Variants in CTC1 observed in about 807,000 individuals in gnomAD.
CTC1 encodes CST telomere replication complex component 1.
Under a neutral mutation model 136.3 loss-of-function variants are expected in CTC1, and 91 were observed. The observed-to-expected ratio is 0.67, with a 90% CI of 0.56 to 0.79. The LOEUF is 0.79. Among genes scored for constraint, CTC1 ranks in the 30% least tolerant of loss-of-function variants. The pLI, the probability that CTC1 is intolerant of heterozygous loss-of-function variation, is 0.00. For missense variants in CTC1, 1,432 were observed against 1,498.1 expected (o/e 0.96, Z 0.73); for synonymous variants, 606 against 613.8 (o/e 0.99, Z 0.19).
At chr17:8,242,216 A>G (rs1344282960) in intron 2 of CTC1, among the ~76,000 whole-genome samples, 1 of 151,722 alleles carries the variant, frequency 6.6e-6, no homozygotes, top group Non-Finnish European at 1.5e-5. Context: ...TTTTTTTAGT[A>G]GAGATGGTGT....
chr17:8,230,982 C>CA (rs575222579), intron 15 of CTC1: 7 of 475,746 alleles, frequency 1.5e-5, no homozygotes, highest in African/African-American at 3.9e-5. Context: ...ACTAAAAATA[C>CA]AAAAAAACTA....
chr17:8,230,922 A>G, intron 15 of CTC1: 1 of 513,326 alleles, frequency 1.9e-6, no homozygotes, highest in Non-Finnish European at 3.5e-6. Flanking sequence ...GGCTCACTTA[A>G]GGTCAAGAAC....
chr17:8,246,134 G>A (rs892710739), intron 1 of CTC1, among the ~76,000 whole-genome samples: 1 of 149,308 alleles, frequency 6.7e-6, no homozygotes, highest in African/African-American at 2.4e-5. Flanking sequence ...TGAGCCCAGG[G>A]AGGTTGAGGC....
At chr17:8,236,031 A>G in intron 6 of CTC1, 27 bp downstream of exon 6, 5 of 1,600,088 alleles carry the variant, frequency 3.1e-6, no homozygotes, top group Non-Finnish European at 4.3e-6. Context: ...TGGCCCCTCA[A>G]GCTCTAGGAT....
Position 8,237,521 on chromosome 17 carries a change from T to C in CTC1, c.648-2A>G, listed in dbSNP as rs758180450. The C allele has an allele frequency of 6.2e-7, 1 of 1,613,702 alleles. No individual in the cohort carries two copies. Among genetic ancestry groups the C allele is most frequent in the Non-Finnish European group, 8.5e-7 (1 of 1,179,880 alleles). On this transcript the variant is annotated splice_acceptor_variant, in intron 4 of 22. Transcript: ENST00000651323. LOFTEE classifies it high-confidence loss of function. ...CGCTGCACACCTCTGAGCTTGTTTC[T>C]AAGAAGGAAGAAAAAGCCCTGTAAT...
intron 5 of CTC1, 45 bp from the exon 6 acceptor site, chr17:8,236,387 A>G (rs752344575): frequency 6.4e-7 from 1 of 1,568,408 alleles, no homozygotes; most frequent in Non-Finnish European, 8.6e-7. Context: ...AGACCCCAAC[A>G]CTGCCACTCT....
Position 8,231,189 on chromosome 17 carries a change from G to C in CTC1, c.2669+87C>G, listed in dbSNP as rs976857154. 1.1e-5 allele frequency: 12 copies of C among 1,045,116 alleles called. 1 individual carries two copies. The South Asian group carries it at 2.0e-4, about 17-fold the overall frequency. 64.7% of individuals were successfully genotyped at this position (1,045,116 alleles called of 1,614,324 possible). ...AATAACAAAAGAAATACCTCCTGCA[G>C]CAGAAAATGAAGTCTTCACCAAACC... On this transcript the variant is annotated intron_variant, in intron 15 of 22. Coordinates refer to ENST00000651323, the MANE Select transcript of CTC1 (RefSeq NM_025099.6).
chr17:8,237,244 C>T (rs1350278250), intron 5 of CTC1, 131 bp downstream of exon 5: 10 of 964,142 alleles, frequency 1.0e-5, no homozygotes, highest in East Asian at 7.5e-5. Context: ...CTCCCAACAG[C>T]GCTATTCCAG....
intron 1 of CTC1, 152 bp downstream of exon 1, chr17:8,247,852 A>C: frequency 1.4e-6 from 1 of 702,074 alleles, no homozygotes; most frequent in Non-Finnish European, 2.5e-6. Flanking sequence ...CAGAACCAGT[A>C]AGAGGTAGGA....
chr17:8,231,156 A>G (rs1987184866), intron 15 of CTC1, 120 bp downstream of exon 15: 1 of 881,578 alleles, frequency 1.1e-6, no homozygotes, highest in South Asian at 2.0e-5. Flanking sequence ...AAAACAAACA[A>G]AAACAACAAT....
chr17:8,233,754 C>T (rs991599479), intron 10 of CTC1, among the ~76,000 whole-genome samples: 2 of 151,954 alleles, frequency 1.3e-5, no homozygotes, highest in Non-Finnish European at 2.9e-5. Context: ...GGTGACAGAG[C>T]AAGATTCTGT....
intron 1 of CTC1, among the ~76,000 whole-genome samples, chr17:8,246,947 A>G (rs2151558715): frequency 6.7e-6 from 1 of 149,818 alleles, no homozygotes. Context: ...AATCCTTTAG[A>G]TTGTATTTTC....
chr17:8,228,360 T>TG, intron 22 of CTC1, 41 bp from the exon 23 acceptor site: 1 of 1,609,654 alleles, frequency 6.2e-7, no homozygotes, highest in Non-Finnish European at 8.5e-7. Context: ...CTCAGGCATG[T>TG]GGCTTTTAGT....
At position 8,229,929 on chromosome 17, in the gene CTC1, A is replaced by G. The variant is rs62637613; in HGVS notation, c.2973T>C (p.Tyr991=). ...CAGGGGGAAAACTCAGGACCTGCACATAAGTGGATGACCGGAAACAACAAT... is the reference window on the plus strand; with the variant it reads ...CAGGGGGAAAACTCAGGACCTGCACGTAAGTGGATGACCGGAAACAACAAT... ...NVYCCFRSST[Y]VQVLSFPPET... The change falls in exon 18 of 23, where the codon TAT becomes TAC. Residue 991 remains tyrosine (Y), a synonymous_variant. Coordinates refer to ENST00000651323, the MANE Select transcript of CTC1 (RefSeq NM_025099.6). 2,830 of 1,614,158 alleles carry G rather than the reference A, an allele frequency of 1.8e-3. 33 individuals carry two copies. The African/African-American group carries it at 0.03, about 17-fold the overall frequency.
Position 8,247,824 on chromosome 17 carries a change from T to A in CTC1, c.33+180A>T. 2 of 631,284 alleles carry A rather than the reference T, an allele frequency of 3.2e-6. 1 individual carries two copies. Among genetic ancestry groups the A allele is most frequent in the South Asian group, 3.8e-5 (2 of 52,500 alleles). The allele number at this position is 631,284 out of a possible 1,614,324, so 39.1% of individuals were successfully genotyped here. A position where few individuals can be genotyped will look rare whatever the true frequency, so the allele number is the denominator to read the frequency against. Reference sequence around the variant, plus strand: ...AGGCTCACAGCGGGCGCCGCGTGAATGAGGGAATAAACATTCGCAGAACCA... The same window carrying A: ...AGGCTCACAGCGGGCGCCGCGTGAAAGAGGGAATAAACATTCGCAGAACCA... On this transcript the variant is annotated intron_variant, in intron 1 of 22. Transcript: ENST00000651323.
Position 8,229,960 on chromosome 17 carries a change from T to A in CTC1, c.2942A>T (p.Asn981Ile). The A allele has an allele frequency of 6.2e-7, 1 of 1,613,832 alleles. No homozygotes were observed. The highest frequency in any genetic ancestry group is 1.1e-5 in the South Asian group (1 of 91,062). The change falls in exon 18 of 23, where the codon AAT (asparagine) becomes ATT (isoleucine). Residue 981 changes from asparagine (N) to isoleucine (I), a missense_variant. Transcript: ENST00000651323. ...GGATGACCGGAAACAACAATAAACATTGTGAGATCTGCAAGTGGAAGAGGA... is the reference window on the plus strand; with the variant it reads ...GGATGACCGGAAACAACAATAAACAATGTGAGATCTGCAAGTGGAAGAGGA... ...QLEKRVSRSH[N>I]VYCCFRSSTY... is the part of the protein sequence containing the mutation.
At chr17:8,245,625 G>A (rs1231488185) in intron 1 of CTC1, among the ~76,000 whole-genome samples, 5 of 152,068 alleles carry the variant, frequency 3.3e-5, no homozygotes, top group East Asian at 1.9e-4. Flanking sequence ...AGGCAAATTC[G>A]TGTTTTCATC....
intron 1 of CTC1, among the ~76,000 whole-genome samples, chr17:8,244,670 C>T (rs1285179893): frequency 6.6e-6 from 1 of 152,140 alleles, no homozygotes; most frequent in Non-Finnish European, 1.5e-5. Context: ...GGATTACAGG[C>T]ATCCACCACC....
At chr17:8,242,553 A>AATATATAT (rs1242237744) in intron 2 of CTC1, among the ~76,000 whole-genome samples, 13 of 60,392 alleles carry the variant, frequency 2.2e-4, no homozygotes, top group African/African-American at 7.2e-4. Context: ...AAAAAAAAAA[A>AATATATAT]ATATATATAT....
Sources: allele counts gnomAD v4.1 joint callset (sites outside exome capture counted in the v4.1 genomes callset), GRCh38; gene constraint gnomAD v4.1.1; transcripts MANE v1.5; gene names NCBI Gene and HGNC (gene_info 2026-07-23, HGNC 2026-07-21).